The following MEGF10 variants were observed in gnomAD, a reference collection of about 807,000 sequenced individuals.
MEGF10 encodes the protein multiple epidermal growth factor-like domains protein 10.
MEGF10 carries 86 observed loss-of-function variants against 147.5 expected under a neutral mutation model. That is an observed-to-expected ratio of 0.58 (90% CI 0.49 to 0.70). The LOEUF is 0.70. MEGF10 is among the 30% of genes least tolerant of loss of function. The pLI, the probability that MEGF10 is intolerant of heterozygous loss-of-function variation, is 0.00. For missense variants in MEGF10, 1,329 were observed against 1,487.3 expected (o/e 0.89, Z 1.75); for synonymous variants, 478 against 525.5 (o/e 0.91, Z 1.24).
chr5:127,308,515 A>G (rs895995318), intron 1 of MEGF10, among the ~76,000 whole-genome samples: 5 of 152,196 alleles, frequency 3.3e-5, no homozygotes, highest in Non-Finnish European at 5.9e-5. Flanking sequence ...CATATACACC[A>G]TGGAATACTA....
In MEGF10 at chr5:127,370,267, C is replaced by T. The variant is rs141968681; in HGVS notation, c.412+265C>T. Among the ~76,000 whole-genome samples, 350 of 152,310 alleles carry T rather than the reference C, an allele frequency of 2.3e-3. 2 individuals carry two copies. The highest frequency in any genetic ancestry group is 0.01 in the Middle Eastern group (3 of 292). ...GCTCATACTTCTGTGGATATGAATG[C>T]ATTTTCTAGAGTAGGGTCCACAATT... On this transcript the variant is annotated intron_variant, in intron 5 of 24. Coordinates refer to ENST00000503335, the MANE Select transcript of MEGF10 (RefSeq NM_001256545.2).
chr5:127,325,317 CTG>C (rs1453465941), intron 1 of MEGF10, among the ~76,000 whole-genome samples: 1 of 152,162 alleles, frequency 6.6e-6, no homozygotes, highest in Non-Finnish European at 1.5e-5. Context: ...TGGGCAGAGA[CTG>C]TGCTTTACAA....
intron 1 of MEGF10, among the ~76,000 whole-genome samples, chr5:127,314,898 A>T (rs568436104): frequency 6.6e-6 from 1 of 152,094 alleles, no homozygotes; most frequent in African/African-American, 2.4e-5. Context: ...TATTTATAAG[A>T]AGGAAATGAA....
chr5:127,290,400 C>T (rs1291886482), upstream of MEGF10, among the ~76,000 whole-genome samples: 2 of 152,186 alleles, frequency 1.3e-5, no homozygotes, highest in African/African-American at 4.8e-5. Flanking sequence ...CGCCGGCCAC[C>T]GTCCCACAAA....
At chr5:127,321,089 G>A (rs1001554521) in intron 1 of MEGF10, among the ~76,000 whole-genome samples, 12 of 152,218 alleles carry the variant, frequency 7.9e-5, no homozygotes, top group Non-Finnish European at 1.5e-4. Context: ...GACTGAGACT[G>A]TTTTACCTGA....
intron 13 of MEGF10, among the ~76,000 whole-genome samples, chr5:127,426,927 A>G (rs534453566): frequency 3.9e-5 from 6 of 152,332 alleles, no homozygotes; most frequent in Admixed American, 1.3e-4. Context: ...TCGAACTTGC[A>G]TATTCCCAGT....
intron 1 of MEGF10, among the ~76,000 whole-genome samples, chr5:127,293,419 G>C (rs1050198788): frequency 6.6e-6 from 1 of 152,158 alleles, no homozygotes; most frequent in Non-Finnish European, 1.5e-5. Context: ...ATGAGAAATT[G>C]CTGATATTTG....
intron 1 of MEGF10, among the ~76,000 whole-genome samples, chr5:127,307,269 A>G (rs1444980972): frequency 6.6e-6 from 1 of 152,168 alleles, no homozygotes; most frequent in Non-Finnish European, 1.5e-5. Flanking sequence ...CACAAGACAA[A>G]GAGATCAAAA....
intron 5 of MEGF10, among the ~76,000 whole-genome samples, chr5:127,390,300 T>C (rs529870698): frequency 1.3e-5 from 2 of 152,226 alleles, no homozygotes; most frequent in South Asian, 4.1e-4. Context: ...GGCATCTTTT[T>C]TTTTTTTGAG....
the MEGF10 span, among the ~76,000 whole-genome samples, chr5:127,273,559 G>A: frequency 6.6e-6 from 1 of 152,208 alleles, no homozygotes. Flanking sequence ...GATACAGACT[G>A]CAGAATAACT....
At chr5:127,413,818 C>T (rs1764660108) in intron 9 of MEGF10, among the ~76,000 whole-genome samples, 1 of 152,200 alleles carries the variant, frequency 6.6e-6, no homozygotes, top group African/African-American at 2.4e-5. Context: ...TGGTGTCAAT[C>T]AGTCTGAAAA....
rs763669827 is a variant in MEGF10, at chr5:127,402,616, A to ATAATGGAGGGACGTGTGATGC, written c.853_873dup (p.Asn285_Ala291dup). The ATAATGGAGGGACGTGTGATGC allele has an allele frequency of 6.2e-7, 1 of 1,614,166 alleles. No homozygotes were observed. On this transcript the variant is annotated inframe_insertion, in exon 8 of 25. Transcript: ENST00000503335. ...AACTGTTCCCAAGAATGCCAGTGCC[A>ATAATGGAGGGACGTGTGATGC]TAATGGAGGGACGTGTGATGCTGCC...
intron 4 of MEGF10, among the ~76,000 whole-genome samples, chr5:127,347,734 TA>T (rs926012678): frequency 2.0e-5 from 3 of 151,872 alleles, no homozygotes; most frequent in South Asian, 2.1e-4. Flanking sequence ...TGGCCTCCAA[TA>T]AAAAAAAGTT....
At chr5:127,329,564 CT>C (rs1253352096) in intron 1 of MEGF10, among the ~76,000 whole-genome samples, 1 of 150,932 alleles carries the variant, frequency 6.6e-6, no homozygotes, top group Non-Finnish European at 1.5e-5. Context: ...ATAAATTTGC[CT>C]TTTCAAGCCA....
At chr5:127,256,014 C>T in the MEGF10 span, among the ~76,000 whole-genome samples, 1 of 152,142 alleles carries the variant, frequency 6.6e-6, no homozygotes, top group Non-Finnish European at 1.5e-5. Flanking sequence ...ACTGCTGTTG[C>T]TTCTGCATCC....
At chr5:127,441,518 A>G (rs955629952) in intron 18 of MEGF10, among the ~76,000 whole-genome samples, 7 of 152,336 alleles carry the variant, frequency 4.6e-5, no homozygotes, top group African/African-American at 1.7e-4. Context: ...ATCCCCTCAC[A>G]GAGTTATAAA....
chr5:127,363,975 T>C (rs1356827571), intron 4 of MEGF10, among the ~76,000 whole-genome samples: 4 of 152,180 alleles, frequency 2.6e-5, no homozygotes, highest in Non-Finnish European at 4.4e-5. Flanking sequence ...GCAGCTGTTT[T>C]TGGGCACTCC....
upstream of MEGF10, among the ~76,000 whole-genome samples, chr5:127,287,367 G>A (rs962895038): frequency 6.6e-6 from 1 of 151,934 alleles, no homozygotes; most frequent in Non-Finnish European, 1.5e-5. Flanking sequence ...AAAACTACTA[G>A]AACGAATAAG....
intron 20 of MEGF10, among the ~76,000 whole-genome samples, chr5:127,446,449 A>G (rs914868805): frequency 6.6e-6 from 1 of 152,174 alleles, no homozygotes; most frequent in Non-Finnish European, 1.5e-5. Context: ...TGTGTCAAGA[A>G]CTCAAGTGTT....
Sources: gnomAD v4.1 joint callset for allele counts (sites outside exome capture counted in the v4.1 genomes callset) on GRCh38, gnomAD v4.1.1 for gene constraint, MANE v1.5 for transcripts, NCBI Gene and HGNC (gene_info 2026-07-23, HGNC 2026-07-21) for gene names.